Variants in AKAP12 observed in about 807,000 individuals in gnomAD.
AKAP12 encodes A-kinase anchoring protein 12.
In AKAP12, 32 loss-of-function variants were observed where a neutral mutation model predicts 79.9. The observed-to-expected ratio is 0.40, with a 90% CI of 0.30 to 0.54. The LOEUF (loss-of-function observed/expected upper bound fraction) is 0.54. AKAP12 is among the 20% of genes least tolerant of loss of function. The pLI, the probability that AKAP12 is intolerant of heterozygous loss-of-function variation, is 0.48. For missense variants in AKAP12, 2,074 were observed against 2,177.0 expected, an observed-to-expected ratio of 0.95 and a Z score of 0.94; for synonymous variants, 808 against 857.0, an observed-to-expected ratio of 0.94 and a Z score of 1.00.
rs368535187 is a variant in AKAP12, at chr6:151,352,774, T to G, written c.4383T>G (p.Asn1461Lys). The change falls in exon 4 of 5, where the codon AAT (asparagine) becomes AAG (lysine). Residue 1461 changes from asparagine to lysine, a missense_variant. Physicochemically the swap from Asn to Lys is moderately conservative, Grantham distance 94 (BLOSUM62 0). Coordinates refer to ENST00000402676, the MANE Select transcript of AKAP12 (RefSeq NM_005100.4). ...LVLEEKSSEK[N>K]EDFAAHPGED... is the part of the protein sequence containing the mutation. ...TGGAAGAGAAATCCTCTGAAAAAAA[T>G]GAAGACTTTGCCGCTCATCCAGGGG... is the stretch of plus-strand genomic sequence containing the variant. The G allele has an allele frequency of 2.4e-5, 38 of 1,614,018 alleles. No homozygotes were observed. The East Asian group carries it at 2.5e-4, about 10-fold the overall frequency.
Position 151,350,775 on chromosome 6 carries a change from A to G in AKAP12, c.2384A>G (p.Asp795Gly). 2 of 1,614,068 alleles carry G rather than the reference A, an allele frequency of 1.2e-6. No individual in the cohort carries two copies. Among genetic ancestry groups the G allele is most frequent in the Non-Finnish European group, 1.7e-6 (2 of 1,179,956 alleles). ...AGSGVEHSTP[D>G]TEPGKEESWV... ...TCTGGTGTAGAACATTCCACTCCAG[A>G]CACTGAACCCGGTAAAGAAGAATCC... Residue 795 changes from aspartate to glycine, a missense_variant, in exon 4 of 5, where the codon GAC becomes GGC. Coordinates refer to ENST00000402676, the MANE Select transcript of AKAP12 (RefSeq NM_005100.4). This position sits in a 1 kb window ranked among gnomAD's most constrained non-coding sequence, Gnocchi z 4.8.
chr6:151,346,432 A>G (rs4870012), intron 3 of AKAP12, among the ~76,000 whole-genome samples: 103,553 of 152,124 alleles, frequency 0.68, 35,801 homozygotes, highest in Non-Finnish European at 0.74. Flanking sequence ...CTGGATTTTC[A>G]TCCTTCTGTG....
intron 2 of AKAP12, among the ~76,000 whole-genome samples, chr6:151,268,396 A>G (rs1776099630): frequency 6.6e-6 from 1 of 152,198 alleles, no homozygotes; most frequent in Admixed American, 6.5e-5. Flanking sequence ...CAGCCTGAGC[A>G]ACAAGAGTGA....
intron 3 of AKAP12, among the ~76,000 whole-genome samples, chr6:151,313,481 C>T (rs1288891192): frequency 6.6e-6 from 1 of 152,254 alleles, no homozygotes; most frequent in African/African-American, 2.4e-5. Flanking sequence ...TTCTCCTGCT[C>T]TGCAGCAATT....
At chr6:151,284,935 A>G (rs896783749) in intron 2 of AKAP12, among the ~76,000 whole-genome samples, 3 of 152,214 alleles carry the variant, frequency 2.0e-5, no homozygotes, top group Non-Finnish European at 4.4e-5. Flanking sequence ...AGCTTTTGCA[A>G]AATGATGAAC....
At chr6:151,347,187 C>A (rs76542037) in intron 3 of AKAP12, among the ~76,000 whole-genome samples, 12 of 152,342 alleles carry the variant, frequency 7.9e-5, no homozygotes, top group Non-Finnish European at 1.2e-4. Context: ...CCTTTTGACA[C>A]CTCCATCAGC....
chr6:151,337,015 G>C (rs931736493), intron 3 of AKAP12, among the ~76,000 whole-genome samples: 1 of 151,974 alleles, frequency 6.6e-6, no homozygotes, highest in Non-Finnish European at 1.5e-5. Context: ...CTCTTTGGTG[G>C]GGGAAAGTTA....
intron 3 of AKAP12, among the ~76,000 whole-genome samples, chr6:151,315,776 C>T (rs555254057): frequency 6.6e-6 from 1 of 152,316 alleles, no homozygotes; most frequent in South Asian, 2.1e-4. Context: ...AATTGACTCA[C>T]AGTTCTGCAG....
chr6:151,259,749 G>GT (rs978536065), intron 2 of AKAP12, among the ~76,000 whole-genome samples: 56 of 151,262 alleles, frequency 3.7e-4, no homozygotes, highest in African/African-American at 1.3e-3. Context: ...GCTAATTTTT[G>GT]TTTTTTTAGT....
At chr6:151,355,056 C>T (rs1030499268) in intron 4 of AKAP12, among the ~76,000 whole-genome samples, 5 of 152,148 alleles carry the variant, frequency 3.3e-5, no homozygotes, top group East Asian at 3.9e-4. Context: ...AGTGCAGTGG[C>T]GCAATCTCAG....
intron 2 of AKAP12, among the ~76,000 whole-genome samples, chr6:151,278,866 A>T (rs960413734): frequency 1.1e-4 from 16 of 151,592 alleles, no homozygotes; most frequent in African/African-American, 3.6e-4. Flanking sequence ...ACAGGGTTTC[A>T]CCGTGTTAGC....
In AKAP12 at chr6:151,273,902, G is replaced by A. The variant is rs535024357; in HGVS notation, c.163-31845G>A. Reference sequence around the variant, plus strand: ...AAATTAGCCGGGTATGGTGGCGTGCGCCTGTAATCCCAGCTACTCGGGAAA... The same window carrying A: ...AAATTAGCCGGGTATGGTGGCGTGCACCTGTAATCCCAGCTACTCGGGAAA... On this transcript the variant is annotated intron_variant, in intron 2 of 4. Transcript: ENST00000402676. Among the ~76,000 whole-genome samples the A allele has an allele frequency of 2.6e-5, 4 of 151,918 alleles. No homozygotes were observed. In the East Asian group the frequency reaches 5.9e-4, roughly 22 times the overall value.
intron 2 of AKAP12, among the ~76,000 whole-genome samples, chr6:151,291,139 G>A (rs1029926889): frequency 1.3e-5 from 2 of 152,186 alleles, no homozygotes; most frequent in African/African-American, 4.8e-5. Context: ...CCCTTGGTCA[G>A]TATCATGCCT....
At chr6:151,251,869 C>T (rs1257099324) in intron 2 of AKAP12, among the ~76,000 whole-genome samples, 3 of 152,074 alleles carry the variant, frequency 2.0e-5, no homozygotes, top group Admixed American at 1.3e-4. Flanking sequence ...TGGTGGCACG[C>T]GCCTGTAGTC....
At chr6:151,296,168 G>A (rs1776720007) in intron 2 of AKAP12, among the ~76,000 whole-genome samples, 2 of 152,184 alleles carry the variant, frequency 1.3e-5, no homozygotes, top group Non-Finnish European at 2.9e-5. Flanking sequence ...CTGGCAGCAG[G>A]AAGAGAGCTC....
chr6:151,323,100 A>G (rs1183772093), intron 3 of AKAP12, among the ~76,000 whole-genome samples: 1 of 152,160 alleles, frequency 6.6e-6, no homozygotes, highest in Non-Finnish European at 1.5e-5. Context: ...TTCTTTGTAA[A>G]TGCAGACACA....
At chr6:151,271,885 C>T (rs1240210423) in intron 2 of AKAP12, among the ~76,000 whole-genome samples, 13 of 152,012 alleles carry the variant, frequency 8.6e-5, no homozygotes, top group African/African-American at 3.1e-4. Flanking sequence ...GTCTCGAACT[C>T]CTGACTGCAA....
intron 3 of AKAP12, among the ~76,000 whole-genome samples, chr6:151,335,477 G>GTTGT (rs1554331704): frequency 6.6e-6 from 1 of 151,546 alleles, no homozygotes; most frequent in Non-Finnish European, 1.5e-5. Flanking sequence ...TATTTTTACT[G>GTTGT]TTGTTTGTTT....
At chr6:151,340,050 C>T (rs1198513161) in intron 3 of AKAP12, among the ~76,000 whole-genome samples, 2 of 151,990 alleles carry the variant, frequency 1.3e-5, no homozygotes, top group Non-Finnish European at 2.9e-5. Flanking sequence ...CTCAGCCTCC[C>T]GAGTAGCTGG....
Sources: gnomAD v4.1 joint callset for allele counts (sites outside exome capture counted in the v4.1 genomes callset) on GRCh38, gnomAD v4.1.1 for gene constraint, Gnocchi (gnomAD v3.1) non-coding constraint, MANE v1.5 for transcripts, NCBI Gene and HGNC (gene_info 2026-07-23, HGNC 2026-07-21) for gene names.